The following ZSWIM2 variants were observed in gnomAD, a reference collection of about 807,000 sequenced individuals.
The protein encoded by ZSWIM2 is zinc finger SWIM-type containing 2.
ZSWIM2 carries 38 observed loss-of-function variants against 48.4 expected under a neutral mutation model. That is an observed-to-expected ratio of 0.79 (90% CI 0.61 to 1.03). ZSWIM2 has a LOEUF of 1.03. Among genes scored for constraint, ZSWIM2 ranks in the 50% least tolerant of loss-of-function variants. ZSWIM2 has a pLI of 0.00. For missense variants in ZSWIM2, 776 were observed against 730.2 expected, an observed-to-expected ratio of 1.06 and a Z score of -0.72; for synonymous variants, 240 against 251.3, an observed-to-expected ratio of 0.96 and a Z score of 0.42.
chr2:186,840,882 A>C (rs1184450353), intron 3 of ZSWIM2, among the ~76,000 whole-genome samples: 1 of 151,510 alleles, frequency 6.6e-6, no homozygotes, highest in Admixed American at 6.6e-5. Context: ...AACATTTGAA[A>C]AAAGTAATGC....
At chr2:186,831,233 T>A (rs1283506668) in intron 7 of ZSWIM2, among the ~76,000 whole-genome samples, 2 of 152,092 alleles carry the variant, frequency 1.3e-5, no homozygotes, top group Admixed American at 6.6e-5. Context: ...AAAGCCTTTG[T>A]ATAGGCTCAT....
At position 186,847,796 on chromosome 2, in the gene ZSWIM2, C is replaced by A; in HGVS notation, c.166-1G>T. On this transcript the variant is annotated splice_acceptor_variant, in intron 1 of 8. Coordinates refer to ENST00000295131, the MANE Select transcript of ZSWIM2 (RefSeq NM_182521.3). LOFTEE classifies it high-confidence loss of function. ...AAACGTGAGGATTTCCTAGAAAAAC[C>A]TTTAAAGGAAAAATGCATACTTAAA... 6.2e-7 allele frequency: 1 copy of A among 1,600,250 alleles called. No homozygotes were observed. Among genetic ancestry groups the A allele is most frequent in the Non-Finnish European group, 8.5e-7 (1 of 1,172,854 alleles).
chr2:186,829,908 T>G, intron 7 of ZSWIM2, 28 bp from the exon 8 acceptor site: 18 of 1,611,100 alleles, frequency 1.1e-5, no homozygotes, highest in Non-Finnish European at 1.5e-5. Flanking sequence ...GAGACATGAG[T>G]GTTTACATGT....
At chr2:186,845,755 G>A (rs973980922) in intron 2 of ZSWIM2, among the ~76,000 whole-genome samples, 6 of 151,100 alleles carry the variant, frequency 4.0e-5, no homozygotes, top group African/African-American at 1.5e-4. Flanking sequence ...CATTTCTAAA[G>A]GTCAATTACC....
chr2:186,848,902 G>A, intron 1 of ZSWIM2, 64 bp downstream of exon 1: 3 of 1,597,670 alleles, frequency 1.9e-6, no homozygotes, highest in Non-Finnish European at 2.6e-6. Flanking sequence ...CATTGGGTAT[G>A]CCAGTGGGGG....
chr2:186,837,689 TAG>T, intron 4 of ZSWIM2, 135 bp from the exon 5 acceptor site: 1 of 257,868 alleles, frequency 3.9e-6, no homozygotes, highest in Non-Finnish European at 6.2e-6. Context: ...CACAAAAAAA[TAG>T]ATTCTGAACT....
chr2:186,844,801 G>A (rs1245382374), intron 2 of ZSWIM2, 44 bp from the exon 3 acceptor site: 3 of 1,470,818 alleles, frequency 2.0e-6, no homozygotes, highest in Non-Finnish European at 2.7e-6. Flanking sequence ...TTTATTTTTG[G>A]CATAAACTCA....
At chr2:186,841,971 T>G (rs982316055) in intron 3 of ZSWIM2, among the ~76,000 whole-genome samples, 3 of 151,280 alleles carry the variant, frequency 2.0e-5, no homozygotes, top group African/African-American at 7.2e-5. Context: ...TCTAGCTTTT[T>G]TTGGGAAAAT....
In ZSWIM2 at chr2:186,828,423, T is replaced by G. The variant is rs781104274; in HGVS notation, c.1463A>C (p.Lys488Thr). ...SNSKKLTYDY[K>T]ISQHFPRYLQ... is the part of the protein sequence containing the mutation. ...ATACCTGGGAAAATGTTGGCTAATTTTATAATCATAGGTTAATTTTTTTGA... is the reference window on the plus strand; with the variant it reads ...ATACCTGGGAAAATGTTGGCTAATTGTATAATCATAGGTTAATTTTTTTGA... The change falls in exon 9 of 9, where the codon AAA becomes ACA. Residue 488 changes from lysine (K) to threonine (T), a missense_variant. Physicochemically the swap from Lys to Thr is moderately conservative, Grantham distance 78. Transcript: ENST00000295131. 6.2e-7 allele frequency: 1 copy of G among 1,613,542 alleles called. No homozygotes were observed. The highest frequency in any genetic ancestry group is 8.5e-7 in the Non-Finnish European group (1 of 1,179,722).
intron 8 of ZSWIM2, 59 bp downstream of exon 8, chr2:186,829,668 C>T: frequency 6.4e-7 from 1 of 1,559,912 alleles, no homozygotes; most frequent in Non-Finnish European, 8.7e-7. Context: ...TAAATTGTCA[C>T]TTCATTTGTG....
chr2:186,842,400 A>G lies in ZSWIM2; in HGVS notation c.283+2317T>C, dbSNP rs548888356. 9.6e-4 allele frequency among the ~76,000 whole-genome samples: 146 copies of G among 151,432 alleles called. 1 individual carries two copies. The highest frequency in any genetic ancestry group is 3.3e-3 in the African/African-American group (137 of 41,496). ...AATTAAAATTTCTTTTAAATACAAG[A>G]CACAAAAAATCTTTATTTCAGAAGG... On this transcript the variant is annotated intron_variant, in intron 3 of 8. Transcript: ENST00000295131.
rs1236657734 is a variant in ZSWIM2 at position 186,837,336 on chromosome 2, T to C, written c.713A>G (p.Lys238Arg). 6.2e-7 allele frequency: 1 copy of C among 1,612,720 alleles called. No homozygotes were observed. Among genetic ancestry groups the C allele is most frequent in the Non-Finnish European group, 8.5e-7 (1 of 1,179,174 alleles). Residue 238 changes from lysine to arginine, a missense_variant, in exon 5 of 9, where the codon AAA becomes AGA. By Grantham distance (26) the Lys-to-Arg change is conservative. Coordinates refer to ENST00000295131, the MANE Select transcript of ZSWIM2 (RefSeq NM_182521.3). ...ACACTTCCCCTCAATTGGAAACTGT[T>C]TGCAGTTATTACAGGGAATCCCAAG... ...KHLGIPCNNC[K>R]QFPIEGKCYK... is the part of the protein sequence containing the mutation.
intron 6 of ZSWIM2, 103 bp from the exon 7 acceptor site, chr2:186,833,335 A>C: frequency 3.7e-6 from 2 of 541,210 alleles, no homozygotes; most frequent in East Asian, 3.5e-5. Context: ...ACAATACACA[A>C]TATTTTAAGC....
intron 3 of ZSWIM2, among the ~76,000 whole-genome samples, chr2:186,841,262 G>T (rs1408819356): frequency 6.6e-6 from 1 of 151,204 alleles, no homozygotes; most frequent in Non-Finnish European, 1.5e-5. Context: ...GCTTTGTGTG[G>T]CTTTCTTTCC....
At chr2:186,841,331 T>C (rs1691899022) in intron 3 of ZSWIM2, among the ~76,000 whole-genome samples, 1 of 118,514 alleles carries the variant, frequency 8.4e-6, no homozygotes, top group Non-Finnish European at 1.8e-5. Context: ...TATTTTCATA[T>C]TTCTTAAATA....
chr2:186,833,961 C>G lies in ZSWIM2; in HGVS notation c.813G>C (p.Thr271=), dbSNP rs750447167. Residue 271 remains threonine, a synonymous_variant, in exon 6 of 9, where the codon ACG becomes ACC. Transcript: ENST00000295131. ...CFDSCCHLSH[T]FTFREKRNQK... ...GATACTGTACCTCACGAAATGTAAA[C>G]GTGTGGGAAAGATGGCAGCAGCTAT... The G allele has an allele frequency of 6.2e-7, 1 of 1,612,868 alleles. No homozygotes were observed. The highest frequency in any genetic ancestry group is 8.5e-7 in the Non-Finnish European group (1 of 1,179,304).
chr2:186,829,585 A>T, intron 8 of ZSWIM2, 142 bp downstream of exon 8: 1 of 683,224 alleles, frequency 1.5e-6, no homozygotes, highest in Non-Finnish European at 2.3e-6. Context: ...TCTCTGTGGT[A>T]GTTCTTTCTA....
chr2:186,847,722 C>T lies in ZSWIM2; in HGVS notation c.239G>A (p.Cys80Tyr), dbSNP rs774893343. The change falls in exon 2 of 9, where the codon TGC (cysteine) becomes TAC (tyrosine). Residue 80 changes from cysteine to tyrosine, a missense_variant. Transcript: ENST00000295131. ...CTTCATTTGAAAAGTCACTTACCAGCAGATATGCTTACAAAGTTCCCCTCC... is the reference window on the plus strand; with the variant it reads ...CTTCATTTGAAAAGTCACTTACCAGTAGATATGCTTACAAAGTTCCCCTCC... ...PKGGELCKHICWVLLKKFKLP... is the reference protein window; with the variant it reads ...PKGGELCKHIYWVLLKKFKLP... 8.8e-5 allele frequency: 141 copies of T among 1,601,276 alleles called. No homozygotes were observed. The highest frequency in any genetic ancestry group is 1.2e-4 in the Non-Finnish European group (138 of 1,172,966).
intron 3 of ZSWIM2, among the ~76,000 whole-genome samples, chr2:186,844,257 T>C (rs1691956617): frequency 6.6e-6 from 1 of 151,642 alleles, no homozygotes; most frequent in Non-Finnish European, 1.5e-5. Context: ...AGTACTCACT[T>C]AAAAACTACA....
Sources: gnomAD v4.1 joint callset for allele counts (sites outside exome capture counted in the v4.1 genomes callset) on GRCh38, gnomAD v4.1.1 for gene constraint, MANE v1.5 for transcripts, NCBI Gene and HGNC (gene_info 2026-07-23, HGNC 2026-07-21) for gene names.